The following OTOG variants were observed in gnomAD, a reference collection of about 807,000 sequenced individuals.
OTOG encodes otogelin.
A neutral mutation model predicts 313.8 loss-of-function variants in OTOG; 296 were observed. The observed-to-expected ratio is 0.94, with a 90% CI of 0.86 to 1.04. The LOEUF is 1.04. Among genes scored for constraint, OTOG ranks in the 50% least tolerant of loss-of-function variants. The pLI, the probability that OTOG is intolerant of heterozygous loss-of-function variation, is 0.00. For missense variants in OTOG, 3,948 were observed against 3,840.1 expected (o/e 1.03, Z -0.74); for synonymous variants, 1,533 against 1,554.9 (o/e 0.99, Z 0.33).
intron 48 of OTOG, chr11:17,638,885 C>G: frequency 2.1e-6 from 2 of 968,460 alleles, no homozygotes; most frequent in South Asian, 2.8e-5. Context: ...ATCATGAGGT[C>G]AGGAGTTCAA....
intron 39 of OTOG, among the ~76,000 whole-genome samples, chr11:17,625,704 C>A (rs535499346): frequency 2.4e-4 from 37 of 151,810 alleles, no homozygotes; most frequent in African/African-American, 8.7e-4. Context: ...ATTATTAATC[C>A]CTCATCAGAT....
rs1853431142 is a variant in OTOG, at chr11:17,608,046, T to TCTTCCCTGACCTCAGTC, written c.4157-242_4157-241insACCTCAGTCCTTCCCTG. On this transcript the variant is annotated intron_variant, in intron 33 of 55. Transcript: ENST00000399397. The stretch of plus-strand genomic sequence containing the variant: ...GGGCCAGAGCTTCCCTGTCCTCAGT[T>TCTTCCCTGACCTCAGTC]CTTCCCTGTCCTCAGTCCTTCCCTG... Among the ~76,000 whole-genome samples, 6 of 152,004 alleles carry TCTTCCCTGACCTCAGTC rather than the reference T, an allele frequency of 3.9e-5. No homozygotes were observed. The South Asian group carries it at 8.3e-4, about 21-fold the overall frequency.
intron 23 of OTOG, among the ~76,000 whole-genome samples, chr11:17,579,606 G>A (rs1208460049): frequency 1.3e-5 from 2 of 152,236 alleles, no homozygotes; most frequent in Non-Finnish European, 2.9e-5. Context: ...GTGTCTGAAA[G>A]AGAACCTGCA....
At position 17,631,761 on chromosome 11, in the gene OTOG, G is replaced by A; in HGVS notation, c.6772G>A (p.Gly2258Arg). ...LTLKDGSVVGGAEDPAPFLDS... is the reference protein window; with the variant it reads ...LTLKDGSVVGRAEDPAPFLDS... ...CCTGAAGGATGGCTCAGTGGTGGGT[G>A]GGGCTGAGGACCCTGCTCCCTTTCT... The change falls in exon 41 of 56, where the codon GGG becomes AGG. Residue 2258 changes from glycine to arginine, a missense_variant. Transcript: ENST00000399397. The A allele has an allele frequency of 6.4e-7, 1 of 1,550,638 alleles. No individual in the cohort carries two copies. The highest frequency in any genetic ancestry group is 8.7e-7 in the Non-Finnish European group (1 of 1,147,008).
In OTOG at chr11:17,640,770, A is replaced by G. The variant is rs1187074660; in HGVS notation, c.7961A>G (p.Glu2654Gly). 6.5e-7 allele frequency: 1 copy of G among 1,550,170 alleles called. No homozygotes were observed. The highest frequency in any genetic ancestry group is 2.0e-5 in the Admixed American group (1 of 51,002). Residue 2654 changes from glutamate (E) to glycine (G), a missense_variant, in exon 50 of 56, where the codon GAG (glutamate) becomes GGG (glycine). Coordinates refer to ENST00000399397, the MANE Select transcript of OTOG (RefSeq NM_001292063.2). ...HLWEKSQLDE[E>G]FMHSVENVCG... The stretch of plus-strand genomic sequence containing the variant: ...TGGGAGAAATCCCAGCTGGATGAGG[A>G]GTTCATGCACAGCGTGGAGAATGTG...
rs1005050580 is a variant in OTOG at position 17,608,405 on chromosome 11, C to T, written c.4266C>T (p.Asp1422=). The stretch of plus-strand genomic sequence containing the variant: ...ACCCACGGGCAGCCAGCTGCCGGGA[C>T]GTACCCAGGTGAGATGCCAGGGGCT... The part of the protein sequence containing the change: ...CRDPRAASCR[D]VPRVEGCVPV... The change falls in exon 34 of 56, where the codon GAC becomes GAT. Residue 1422 remains aspartate (D), a synonymous_variant. Coordinates refer to ENST00000399397, the MANE Select transcript of OTOG (RefSeq NM_001292063.2). The T allele has an allele frequency of 9.1e-6, 14 of 1,538,716 alleles. No homozygotes were observed. Among genetic ancestry groups the T allele is most frequent in the East Asian group, 7.4e-5 (3 of 40,448 alleles).
Position 17,548,224 on chromosome 11 carries a change from C to A in OTOG, c.216+12C>A. ...TCGTGGGAGGCCAGGTAAGGGAGGTCTTGGGAGGGGGCTTCATTGAGCAGG... is the reference window on the plus strand; with the variant it reads ...TCGTGGGAGGCCAGGTAAGGGAGGTATTGGGAGGGGGCTTCATTGAGCAGG... On this transcript the variant is annotated intron_variant, in intron 3 of 55. Transcript: ENST00000399397. The A allele has an allele frequency of 1.3e-6, 2 of 1,541,450 alleles. No homozygotes were observed. The highest frequency in any genetic ancestry group is 1.8e-6 in the Non-Finnish European group (2 of 1,141,706).
At chr11:17,597,076 C>G in intron 30 of OTOG, 69 bp downstream of exon 30, 4 of 1,507,960 alleles carry the variant, frequency 2.7e-6, no homozygotes, top group South Asian at 1.3e-5. Flanking sequence ...CCTAGGGGTA[C>G]TGGCAGTCTG....
Position 17,612,748 on chromosome 11 carries a change from T to A in OTOG, c.6421T>A (p.Cys2141Ser). The change falls in exon 38 of 56, where the codon TGC becomes AGC. Residue 2141 changes from cysteine to serine, a missense_variant. Cys to Ser is a moderately radical substitution (Grantham distance 112). Transcript: ENST00000399397. Reference sequence around the variant, plus strand: ...AATGCTCACCGTCCATGTACTGGACTGCAAAAGTGCCAACCTGGTGCCTGC... The same window carrying A: ...AATGCTCACCGTCCATGTACTGGACAGCAAAAGTGCCAACCTGGTGCCTGC... ...DEMLTVHVLD[C>S]KSANLGHLNW... The A allele has an allele frequency of 6.4e-7, 1 of 1,550,418 alleles. No homozygotes were observed. Among genetic ancestry groups the A allele is most frequent in the Non-Finnish European group, 8.7e-7 (1 of 1,146,886 alleles).
Position 17,609,868 on chromosome 11 carries a change from C to T in OTOG, c.4568C>T (p.Pro1523Leu). The T allele has an allele frequency of 6.6e-7, 1 of 1,516,882 alleles. No homozygotes were observed. The highest frequency in any genetic ancestry group is 8.9e-7 in the Non-Finnish European group (1 of 1,127,090). The allele number at this position is 1,516,882 out of a possible 1,614,324, so 94.0% of individuals were successfully genotyped here. ...VTATEEPVVS[P>L]GPTQTTLQQP... ...GCCACTGAGGAGCCAGTGGTGTCTC[C>T]AGGCCCCACCCAGACCACCCTGCAG... Residue 1523 changes from proline to leucine, a missense_variant, in exon 36 of 56, where the codon CCA becomes CTA. By Grantham distance (98) the Pro-to-Leu change is moderately conservative (BLOSUM62 -3). Transcript: ENST00000399397.
chr11:17,596,032 C>T lies in OTOG; in HGVS notation c.3409-6C>T. ...GGAGGTCAACAGCCCTGCCTTTGCC[C>T]CTCAGTGCCCAGACACCCTCGATCC... is the stretch of plus-strand genomic sequence containing the variant. On this transcript the variant is annotated splice_polypyrimidine_tract_variant and splice_region_variant and intron_variant, in intron 28 of 55. Coordinates refer to ENST00000399397, the MANE Select transcript of OTOG (RefSeq NM_001292063.2). The T allele has an allele frequency of 3.2e-6, 5 of 1,547,986 alleles. No individual in the cohort carries two copies. The highest frequency in any genetic ancestry group is 4.4e-6 in the Non-Finnish European group (5 of 1,144,506).
chr11:17,547,584 C>G, intron 1 of OTOG, 118 bp downstream of exon 1: 3 of 1,269,056 alleles, frequency 2.4e-6, no homozygotes, highest in African/African-American at 3.1e-5. Context: ...TGAGGGAGAG[C>G]AGAGGGACAC....
At chr11:17,641,793 G>T (rs1288609865) in intron 51 of OTOG, 54 bp from the exon 52 acceptor site, 13 of 1,306,968 alleles carry the variant, frequency 9.9e-6, no homozygotes, top group African/African-American at 1.5e-5. Context: ...GGCAGTGGGA[G>T]AGCCAGGGTG....
intron 1 of OTOG, 48 bp from the exon 2 acceptor site, chr11:17,547,879 C>G (rs1402241322): frequency 2.3e-6 from 1 of 442,426 alleles, no homozygotes; most frequent in Non-Finnish European, 4.0e-6. Flanking sequence ...GTGGGAGGCC[C>G]CAGTAAAGAC....
chr11:17,593,348 A>C, intron 26 of OTOG, 21 bp downstream of exon 26: 1 of 1,550,016 alleles, frequency 6.5e-7, no homozygotes, highest in African/African-American at 1.4e-5. Context: ...GTGCCTGTGA[A>C]GGTTGTGTAG....
Position 17,596,980 on chromosome 11 carries a change from G to C in OTOG, c.3655G>C (p.Val1219Leu), listed in dbSNP as rs1377375536. ...CCAGTGTTGCCAGCATGGGGTGGCT[G>C]TTGACTGGCGAACCCCCCGCCTCTG... ...AHQCCQHGVAVDWRTPRLCPY... is the reference protein window; with the variant it reads ...AHQCCQHGVALDWRTPRLCPY... The change falls in exon 30 of 56, where the codon GTT (valine) becomes CTT (leucine). Residue 1219 changes from valine to leucine, a missense_variant. Coordinates refer to ENST00000399397, the MANE Select transcript of OTOG (RefSeq NM_001292063.2). The C allele has an allele frequency of 6.5e-7, 1 of 1,550,352 alleles. No individual in the cohort carries two copies. Among genetic ancestry groups the C allele is most frequent in the East Asian group, 2.4e-5 (1 of 40,916 alleles).
At position 17,635,133 on chromosome 11, in the gene OTOG, C is replaced by A; in HGVS notation, c.7639C>A (p.Gln2547Lys). The change falls in exon 46 of 56, where the codon CAG (glutamine) becomes AAG (lysine). Residue 2547 changes from glutamine to lysine, a missense_variant. Gln to Lys is a moderately conservative substitution (Grantham distance 53). Coordinates refer to ENST00000399397, the MANE Select transcript of OTOG (RefSeq NM_001292063.2). ...GCTGGTCCCCAGCTGCCGACAGGAC[C>A]AGATCCTGATCACGGGCCGCCTGGG... Reference protein sequence around the residue: ...AELVPSCRQDQILITGRLGDS... With the variant: ...AELVPSCRQDKILITGRLGDS... 6.5e-7 allele frequency: 1 copy of A among 1,549,350 alleles called. No homozygotes were observed. The highest frequency in any genetic ancestry group is 8.7e-7 in the Non-Finnish European group (1 of 1,146,802).
At chr11:17,557,085 G>A in intron 7 of OTOG, 33 bp from the exon 8 acceptor site, 2 of 1,542,880 alleles carry the variant, frequency 1.3e-6, no homozygotes, top group Non-Finnish European at 1.7e-6. Flanking sequence ...GAGGTGTTGT[G>A]GATACCCTGA....
rs1326511501 is a variant in OTOG at position 17,559,117 on chromosome 11, C to A, written c.1169C>A (p.Ala390Glu). 6.5e-7 allele frequency: 1 copy of A among 1,543,724 alleles called. No homozygotes were observed. The highest frequency in any genetic ancestry group is 1.2e-5 in the South Asian group (1 of 84,054). ...LAEYARACAQ[A>E]GRPLQGWRTQ... ...GAGTATGCCCGGGCGTGTGCCCAGG[C>A]AGGGCGGCCCTTGCAAGGCTGGAGG... The change falls in exon 11 of 56, where the codon GCA (alanine) becomes GAA (glutamate). Residue 390 changes from alanine (A) to glutamate (E), a missense_variant. Transcript: ENST00000399397.
Sources: allele counts gnomAD v4.1 joint callset (sites outside exome capture counted in the v4.1 genomes callset), GRCh38; gene constraint gnomAD v4.1.1; transcripts MANE v1.5; gene names NCBI Gene and HGNC (gene_info 2026-07-23, HGNC 2026-07-21).